THSD1: variants seen among roughly 807,000 people sequenced by gnomAD.
The protein encoded by THSD1 is thrombospondin type-1 domain-containing protein 1.
Under a neutral mutation model 46.3 loss-of-function variants are expected in THSD1, and 34 were observed. That is an observed-to-expected ratio of 0.74 (90% CI 0.56 to 0.98). The LOEUF (loss-of-function observed/expected upper bound fraction) is 0.98, where lower values mean the gene tolerates loss of function less well. Among genes scored for constraint, THSD1 ranks in the 50% least tolerant of loss-of-function variants. The pLI, the probability that THSD1 is intolerant of heterozygous loss-of-function variation, is 0.00. For synonymous variants in THSD1, 407 were observed against 416.5 expected, an observed-to-expected ratio of 0.98 and a Z score of 0.28; for missense variants, 1,023 against 1,058.3, an observed-to-expected ratio of 0.97 and a Z score of 0.46.
chr13:52,386,144 G>A lies in THSD1; in HGVS notation c.1064C>T (p.Thr355Ile), dbSNP rs1957728753. The A allele has an allele frequency of 6.2e-7, 1 of 1,614,196 alleles. No individual in the cohort carries two copies. The highest frequency in any genetic ancestry group is 8.5e-7 in the Non-Finnish European group (1 of 1,180,040). The change falls in exon 4 of 5, where the codon ACA (threonine) becomes ATA (isoleucine). Residue 355 changes from threonine (T) to isoleucine (I), a missense_variant. By Grantham distance (89) the Thr-to-Ile change is moderately conservative (BLOSUM62 -1). Transcript: ENST00000258613. Reference sequence around the variant, plus strand: ...ACGCTCTCTGACACCATCCCCACATGTGGCACTACACTGGCTCCATGGCTG... The same window carrying A: ...ACGCTCTCTGACACCATCCCCACATATGGCACTACACTGGCTCCATGGCTG... ...LWQPWSQCSA[T>I]CGDGVRERRR...
Position 52,377,903 on chromosome 13 carries a change from C to T in THSD1, c.2067G>A (p.Glu689=), listed in dbSNP as rs750131335. ...GAGGCCTAAATCTGTCCTCTGCCTG[C>T]TCGCAGGTCCGCGTCCTAGAGCTGT... ...PAYSSRTRTC[E]QAEDRFRPQS... is the part of the protein sequence containing the mutation. The change falls in exon 5 of 5, where the codon GAG becomes GAA. Residue 689 remains glutamate, a synonymous_variant. Transcript: ENST00000258613. 2 of 1,614,212 alleles carry T rather than the reference C, an allele frequency of 1.2e-6. No individual in the cohort carries two copies. Among genetic ancestry groups the T allele is most frequent in the South Asian group, 1.1e-5 (1 of 91,090 alleles).
intron 3 of THSD1, among the ~76,000 whole-genome samples, chr13:52,390,481 A>G (rs1957765459): frequency 6.6e-6 from 1 of 152,174 alleles, no homozygotes; most frequent in Non-Finnish European, 1.5e-5. Flanking sequence ...TGTGCTAATT[A>G]TGTTCCATCT....
chr13:52,399,129 T>A (rs1433338811), intron 2 of THSD1, among the ~76,000 whole-genome samples: 1 of 152,216 alleles, frequency 6.6e-6, no homozygotes, highest in Non-Finnish European at 1.5e-5. Flanking sequence ...TTAATGACAT[T>A]ACAGCAACTT....
At chr13:52,390,406 T>C (rs537820930) in intron 3 of THSD1, among the ~76,000 whole-genome samples, 1 of 152,142 alleles carries the variant, frequency 6.6e-6, no homozygotes, top group Non-Finnish European at 1.5e-5. Context: ...TTTACAGCAA[T>C]TAAAAGGATT....
At position 52,377,675 on chromosome 13, in the gene THSD1, G is replaced by T. The variant is rs1177919312; in HGVS notation, c.2295C>A (p.Pro765=). ...EPHRARRGPS[P]SHKSVSRKQS... ...GCTTCCTTGAGACACTCTTGTGACT[G>T]GGGGACGGTCCCCGACGAGCTCTGT... Residue 765 remains proline, a synonymous_variant, in exon 5 of 5, where the codon CCC becomes CCA. Coordinates refer to ENST00000258613, the MANE Select transcript of THSD1 (RefSeq NM_018676.4). The T allele has an allele frequency of 6.2e-7, 1 of 1,609,878 alleles. No homozygotes were observed. Among genetic ancestry groups the T allele is most frequent in the Non-Finnish European group, 8.5e-7 (1 of 1,176,870 alleles).
Position 52,406,166 on chromosome 13 carries a change from C to G in THSD1, c.-217G>C, listed in dbSNP as rs1040407834. ...CACGCCCTGACCCCGCGGCGTTCGG[C>G]TCCCACAGCCCCGCGGGGCCCGCCC... On this transcript the variant is annotated 5_prime_UTR_variant, in exon 1 of 5. Coordinates refer to ENST00000258613, the MANE Select transcript of THSD1 (RefSeq NM_018676.4). The G allele has an allele frequency of 3.9e-5, 6 of 152,208 alleles. No individual in the cohort carries two copies. The highest frequency in any genetic ancestry group is 7.3e-5 in the Non-Finnish European group (5 of 68,064). 9.4% of individuals were successfully genotyped at this position (152,208 alleles called of 1,614,324 possible). A position where few individuals can be genotyped will look rare whatever the true frequency, so the allele number is the denominator to read the frequency against.
Position 52,378,566 on chromosome 13 carries a change from G to C in THSD1, c.1404C>G (p.Ile468Met). Residue 468 changes from isoleucine (I) to methionine (M), a missense_variant, in exon 5 of 5, where the codon ATC becomes ATG. Ile to Met is a conservative substitution (Grantham distance 10). This residue lies in a region of THSD1 where 578 missense variants were observed against 497.4 expected (regional missense o/e 1.16). Transcript: ENST00000258613. Reference protein sequence around the residue: ...SFRKNSDEENICELSEQRGSF... With the variant: ...SFRKNSDEENMCELSEQRGSF... ...TCCCGCGCTGCTCGCTCAGCTCGCA[G>C]ATATTCTCCTCGTCCGAGTTCTTCC... The C allele has an allele frequency of 6.2e-7, 1 of 1,614,172 alleles. No homozygotes were observed. The highest frequency in any genetic ancestry group is 1.1e-5 in the South Asian group (1 of 91,072).
chr13:52,378,556 T>C lies in THSD1; in HGVS notation c.1414A>G (p.Ser472Gly), dbSNP rs1957661079. 6.2e-7 allele frequency: 1 copy of C among 1,614,094 alleles called. No individual in the cohort carries two copies. Among genetic ancestry groups the C allele is most frequent in the Non-Finnish European group, 8.5e-7 (1 of 1,180,018 alleles). The change falls in exon 5 of 5, where the codon AGC becomes GGC. Residue 472 changes from serine to glycine, a missense_variant. Ser to Gly is a moderately conservative substitution (Grantham distance 56, BLOSUM62 0). Around this residue, in one of 3 missense-constraint regions of THSD1, gnomAD observed 578 missense variants for 497.4 expected, o/e 1.16. Coordinates refer to ENST00000258613, the MANE Select transcript of THSD1 (RefSeq NM_018676.4). ...NSDEENICEL[S>G]EQRGSFSDGG... ...TCCGAGAAGCTCCCGCGCTGCTCGC[T>C]CAGCTCGCAGATATTCTCCTCGTCC...
At chr13:52,403,128 C>T (rs1047048456) in intron 1 of THSD1, among the ~76,000 whole-genome samples, 12 of 152,164 alleles carry the variant, frequency 7.9e-5, no homozygotes, top group African/African-American at 2.4e-4. Flanking sequence ...CCCTGCCTGG[C>T]GTCCACAAAT....
intron 2 of THSD1, among the ~76,000 whole-genome samples, chr13:52,399,453 C>G (rs111725941): frequency 3.3e-5 from 5 of 152,212 alleles, no homozygotes; most frequent in African/African-American, 1.2e-4. Context: ...ATATATGCCT[C>G]ATGAATATAT....
chr13:52,378,863 C>CA, intron 4 of THSD1, 74 bp from the exon 5 acceptor site: 1 of 1,067,778 alleles, frequency 9.4e-7, no homozygotes, highest in Non-Finnish European at 1.3e-6. Flanking sequence ...TTTTTCTTTT[C>CA]TTTTTTTTTT....
rs1431954550 is a variant in THSD1, at chr13:52,378,253, C to G, written c.1717G>C (p.Asp573His). Residue 573 changes from aspartate to histidine, a missense_variant, in exon 5 of 5, where the codon GAT becomes CAT. Physicochemically the swap from Asp to His is moderately conservative, Grantham distance 81. This residue lies in a region of THSD1 where 578 missense variants were observed against 497.4 expected (regional missense o/e 1.16). Coordinates refer to ENST00000258613, the MANE Select transcript of THSD1 (RefSeq NM_018676.4). ...GCAGCTTCTTCCGGGCTTTCCAAAT[C>G]TAAGGGAGCGCTGGGGGCCGCATCA... ...AIDAAPSAPL[D>H]LESPEEAAAN... 2 of 1,614,096 alleles carry G rather than the reference C, an allele frequency of 1.2e-6. No individual in the cohort carries two copies. The highest frequency in any genetic ancestry group is 2.2e-5 in the East Asian group (1 of 44,894).
chr13:52,401,220 G>A (rs931520549), intron 2 of THSD1, among the ~76,000 whole-genome samples: 5 of 152,080 alleles, frequency 3.3e-5, no homozygotes, highest in Middle Eastern at 3.4e-3. Context: ...TGATCTGCCC[G>A]CCTCGGCTTC....
chr13:52,386,131 A>G lies in THSD1; in HGVS notation c.1077T>C (p.Gly359=), dbSNP rs1382686068. The change falls in exon 4 of 5, where the codon GGT becomes GGC. Residue 359 remains glycine (G), a synonymous_variant. Coordinates refer to ENST00000258613, the MANE Select transcript of THSD1 (RefSeq NM_018676.4). ...GACACACTCGGCGACGCTCTCTGAC[A>G]CCATCCCCACATGTGGCACTACACT... ...WSQCSATCGD[G]VRERRRVCLT... is the part of the protein sequence containing the mutation. The G allele has an allele frequency of 6.2e-7, 1 of 1,614,158 alleles. No homozygotes were observed. Among genetic ancestry groups the G allele is most frequent in the Non-Finnish European group, 8.5e-7 (1 of 1,180,026 alleles).
intron 1 of THSD1, among the ~76,000 whole-genome samples, chr13:52,404,146 C>T (rs917557863): frequency 6.6e-6 from 1 of 151,340 alleles, no homozygotes; most frequent in African/African-American, 2.4e-5. Context: ...CGGTGTTTCA[C>T]CACTTTGGCC....
Position 52,378,326 on chromosome 13 carries a change from A to G in THSD1, c.1644T>C (p.Thr548=), listed in dbSNP as rs1457108847. The G allele has an allele frequency of 6.2e-7, 1 of 1,614,202 alleles. No homozygotes were observed. Among genetic ancestry groups the G allele is most frequent in the Non-Finnish European group, 8.5e-7 (1 of 1,180,048 alleles). ...KEMKKKGLTE[T]TKVYHVSQSP... is the part of the protein sequence containing the mutation. ...TCTGAGACACGTGATACACTTTGGT[A>G]GTTTCCGTCAGACCTTTCTTTTTCA... is the stretch of plus-strand genomic sequence containing the variant. The change falls in exon 5 of 5, where the codon ACT becomes ACC. Residue 548 remains threonine (T), a synonymous_variant. Transcript: ENST00000258613.
chr13:52,384,969 A>G (rs778932457), intron 4 of THSD1, among the ~76,000 whole-genome samples: 2 of 152,182 alleles, frequency 1.3e-5, no homozygotes, highest in Non-Finnish European at 2.9e-5. Context: ...ATAATGTCCT[A>G]AAAATGCTGG....
chr13:52,377,900 C>T lies in THSD1; in HGVS notation c.2070G>A (p.Gln690=), dbSNP rs1957648070. The part of the protein sequence containing the change: ...AYSSRTRTCE[Q]AEDRFRPQSR... ...TCTGAGGCCTAAATCTGTCCTCTGC[C>T]TGCTCGCAGGTCCGCGTCCTAGAGC... Residue 690 remains glutamine, a synonymous_variant, in exon 5 of 5, where the codon CAG becomes CAA. Coordinates refer to ENST00000258613, the MANE Select transcript of THSD1 (RefSeq NM_018676.4). 3.7e-6 allele frequency: 6 copies of T among 1,614,228 alleles called. No individual in the cohort carries two copies. The South Asian group carries it at 4.4e-5, about 12-fold the overall frequency.
At chr13:52,387,282 TA>T (rs1366133674) in intron 3 of THSD1, among the ~76,000 whole-genome samples, 2 of 151,992 alleles carry the variant, frequency 1.3e-5, no homozygotes, top group East Asian at 3.8e-4. Context: ...ATAACAATGG[TA>T]AAAACCCAAA....
Sources: allele counts gnomAD v4.1 joint callset (sites outside exome capture counted in the v4.1 genomes callset), GRCh38; gene constraint gnomAD v4.1.1; regional missense constraint gnomAD v4.1.1; transcripts MANE v1.5; gene names NCBI Gene and HGNC (gene_info 2026-07-23, HGNC 2026-07-21).